Variants in ZBTB38 observed in about 807,000 individuals in gnomAD.
ZBTB38 encodes the protein zinc finger and BTB domain containing 38, also known as zinc finger and BTB domain-containing protein 38.
Under a neutral mutation model 76.8 loss-of-function variants are expected in ZBTB38, and 20 were observed. The ratio of observed to expected loss-of-function variants is 0.26; its 90% CI spans 0.18 to 0.38. The LOEUF (loss-of-function observed/expected upper bound fraction) is 0.38. Among genes scored for constraint, ZBTB38 ranks in the 10% least tolerant of loss-of-function variants. The pLI is 1.00. For missense variants in ZBTB38, 1,082 were observed against 1,482.3 expected, an observed-to-expected ratio of 0.73 and a Z score of 4.43; for synonymous variants, 504 against 544.2, an observed-to-expected ratio of 0.93 and a Z score of 1.03.
chr3:141,414,050 A>C (rs1472054239), intron 5 of ZBTB38, among the ~76,000 whole-genome samples: 1 of 152,256 alleles, frequency 6.6e-6, no homozygotes, highest in Non-Finnish European at 1.5e-5. Context: ...AATGACTCAC[A>C]GTACAGAGAT....
At chr3:141,356,496 C>T (rs1559918730) in intron 1 of ZBTB38, among the ~76,000 whole-genome samples, 1 of 152,086 alleles carries the variant, frequency 6.6e-6, no homozygotes. Context: ...ATTTGGTCGA[C>T]CATAAAGACT....
At chr3:141,370,252 T>G (rs560736433) in intron 2 of ZBTB38, among the ~76,000 whole-genome samples, 21 of 152,232 alleles carry the variant, frequency 1.4e-4, no homozygotes, top group Non-Finnish European at 8.8e-5. Flanking sequence ...CAGCATGTGG[T>G]TTTCAAGGTC....
chr3:141,328,667 G>C (rs114521480), intron 1 of ZBTB38, among the ~76,000 whole-genome samples: 2,048 of 152,036 alleles, frequency 0.013, 52 homozygotes, highest in African/African-American at 0.048. Context: ...TCCCCACACA[G>C]AGCGTCTCTA....
At chr3:141,441,032 C>CAAAAAAAAAAAAA (rs202075469) in intron 5 of ZBTB38, among the ~76,000 whole-genome samples, 2 of 64,618 alleles carry the variant, frequency 3.1e-5, no homozygotes, top group African/African-American at 5.0e-5. Context: ...GACTCAATCT[C>CAAAAAAAAAAAAA]AAAAAAAAAA....
intron 1 of ZBTB38, among the ~76,000 whole-genome samples, chr3:141,346,963 C>A (rs1943381952): frequency 6.6e-6 from 1 of 152,146 alleles, no homozygotes; most frequent in Non-Finnish European, 1.5e-5. Context: ...ACAGCTGGTT[C>A]AGCACTTCCG....
intron 5 of ZBTB38, among the ~76,000 whole-genome samples, chr3:141,412,349 G>A (rs1267803388): frequency 6.6e-6 from 1 of 152,170 alleles, no homozygotes; most frequent in African/African-American, 2.4e-5. Context: ...CTCAAAGCCG[G>A]TGGCCATTTT....
intron 4 of ZBTB38, among the ~76,000 whole-genome samples, chr3:141,390,851 TA>T (rs993239454): frequency 6.6e-6 from 1 of 152,118 alleles, no homozygotes; most frequent in African/African-American, 2.4e-5. Context: ...AGAGGAAAAT[TA>T]AAAATTTTAA....
At chr3:141,373,854 G>C (rs942458217) in intron 2 of ZBTB38, among the ~76,000 whole-genome samples, 1 of 152,218 alleles carries the variant, frequency 6.6e-6, no homozygotes, top group Non-Finnish European at 1.5e-5. Context: ...TAAAGGCCGG[G>C]AGTGGTGGCT....
intron 4 of ZBTB38, among the ~76,000 whole-genome samples, chr3:141,402,143 G>A (rs1461673034): frequency 6.6e-6 from 1 of 152,170 alleles, no homozygotes; most frequent in Non-Finnish European, 1.5e-5. Context: ...GGGGGGCCCC[G>A]GCTGGCCACT....
chr3:141,435,210 T>C (rs945110173), intron 5 of ZBTB38, among the ~76,000 whole-genome samples: 3 of 152,200 alleles, frequency 2.0e-5, no homozygotes, highest in South Asian at 2.1e-4. Flanking sequence ...TTTGTTTATA[T>C]ATAAAATGCT....
intron 5 of ZBTB38, among the ~76,000 whole-genome samples, chr3:141,436,066 T>G (rs924772941): frequency 2.0e-5 from 3 of 152,244 alleles, no homozygotes; most frequent in Non-Finnish European, 2.9e-5. Flanking sequence ...CTGAAATCTA[T>G]TGGGGGCTTT....
At chr3:141,342,625 G>T (rs754366289) in intron 1 of ZBTB38, among the ~76,000 whole-genome samples, 1 of 151,592 alleles carries the variant, frequency 6.6e-6, no homozygotes, top group Non-Finnish European at 1.5e-5. Context: ...CACCCAGATT[G>T]TAGGGGATTT....
intron 5 of ZBTB38, among the ~76,000 whole-genome samples, chr3:141,425,486 C>T (rs1235986472): frequency 6.6e-6 from 1 of 152,228 alleles, no homozygotes; most frequent in Non-Finnish European, 1.5e-5. Context: ...CCCAGGGCCA[C>T]CTGGTGGTCC....
Position 141,444,682 on chromosome 3 carries a change from G to A in ZBTB38, c.2294G>A (p.Gly765Asp), listed in dbSNP as rs775824805. The A allele has an allele frequency of 1.2e-5, 19 of 1,613,926 alleles. No individual in the cohort carries two copies. The South Asian group carries it at 1.9e-4, about 16-fold the overall frequency. The change falls in exon 6 of 6, where the codon GGT becomes GAT. Residue 765 changes from glycine (G) to aspartate (D), a missense_variant. By Grantham distance (94) the Gly-to-Asp change is moderately conservative (BLOSUM62 -1). Coordinates refer to ENST00000321464, the MANE Select transcript of ZBTB38 (RefSeq NM_001376113.1). The surrounding 1 kb of genome is among the most constrained non-coding windows in gnomAD (Gnocchi z 5.1). ...DDSKPEPDKVGRFASRPKSIK... is the reference protein window; with the variant it reads ...DDSKPEPDKVDRFASRPKSIK... The stretch of plus-strand genomic sequence containing the variant: ...AGTAAGCCCGAGCCAGATAAAGTGG[G>A]TAGGTTTGCAAGCAGACCCAAAAGC...
At chr3:141,359,362 G>A (rs1943754386) in intron 1 of ZBTB38, among the ~76,000 whole-genome samples, 1 of 152,168 alleles carries the variant, frequency 6.6e-6, no homozygotes, top group Non-Finnish European at 1.5e-5. Flanking sequence ...TGTGCCATTG[G>A]CCAGGATCAT....
intron 2 of ZBTB38, among the ~76,000 whole-genome samples, chr3:141,374,241 A>T (rs2149069084): frequency 6.6e-6 from 1 of 152,250 alleles, no homozygotes; most frequent in South Asian, 2.1e-4. Context: ...ATTGACTTTC[A>T]TCTGGGAGCC....
intron 5 of ZBTB38, among the ~76,000 whole-genome samples, chr3:141,410,886 G>T (rs1956395938): frequency 6.6e-6 from 1 of 152,192 alleles, no homozygotes; most frequent in Non-Finnish European, 1.5e-5. Context: ...CCACTACTGT[G>T]AGTGTTCATA....
intron 1 of ZBTB38, among the ~76,000 whole-genome samples, chr3:141,336,654 A>C (rs1454260481): frequency 6.6e-6 from 1 of 152,196 alleles, no homozygotes; most frequent in Non-Finnish European, 1.5e-5. Flanking sequence ...TGGCAGTAAT[A>C]GATGAATTTA....
chr3:141,406,823 C>T (rs763729830), intron 5 of ZBTB38, among the ~76,000 whole-genome samples: 5 of 152,132 alleles, frequency 3.3e-5, no homozygotes, highest in East Asian at 1.9e-4. Flanking sequence ...CATGTCAGAC[C>T]GTGGAAGGTG....
Sources: gnomAD v4.1 joint callset for allele counts (sites outside exome capture counted in the v4.1 genomes callset) on GRCh38, gnomAD v4.1.1 for gene constraint, Gnocchi (gnomAD v3.1) non-coding constraint, MANE v1.5 for transcripts, NCBI Gene and HGNC (gene_info 2026-07-23, HGNC 2026-07-21) for gene names.